MORC4: variants seen among roughly 807,000 people sequenced by gnomAD.
MORC4 encodes the protein MORC family CW-type zinc finger protein 4.
Under a neutral mutation model 65.5 loss-of-function variants are expected in MORC4, and 22 were observed. That is an observed-to-expected ratio of 0.34 (90% confidence interval 0.24 to 0.48). MORC4 has a LOEUF of 0.48. MORC4 is among the 20% of genes least tolerant of loss of function. The pLI is 0.99. For missense variants in MORC4, 624 were observed against 703.0 expected, an observed-to-expected ratio of 0.89 and a Z score of 1.27; for synonymous variants, 267 against 255.8, an observed-to-expected ratio of 1.04 and a Z score of -0.42.
rs751715446 is a variant in MORC4, at chrX:106,958,405, G to A, written c.1316C>T (p.Pro439Leu). 8.3e-7 allele frequency: 1 copy of A among 1,205,683 alleles called. No individual in the cohort carries two copies. The highest frequency in any genetic ancestry group is 3.0e-5 in the East Asian group (1 of 33,745). Residue 439 changes from proline to leucine, a missense_variant, in exon 11 of 17, where the codon CCT (proline) becomes CTT (leucine). By Grantham distance (98) the Pro-to-Leu change is moderately conservative (BLOSUM62 -3). Transcript: ENST00000355610. The stretch of plus-strand genomic sequence containing the variant: ...TAACATGGATGGATCAATCTTCCCA[G>A]GAAGCTTTCTCCATTTAAGACACTC... ...CDECLKWRKL[P>L]GKIDPSMLPA... is the part of the protein sequence containing the mutation.
chrX:106,991,071 A>G (rs1189117375), intron 3 of MORC4, among the ~76,000 whole-genome samples: 2 of 111,431 alleles, frequency 1.8e-5, no homozygotes. Flanking sequence ...TGATAGGGAA[A>G]ATTCTATAGC....
intron 9 of MORC4, among the ~76,000 whole-genome samples, chrX:106,972,806 C>T (rs1023389992): frequency 8.9e-6 from 1 of 112,289 alleles, no homozygotes; most frequent in East Asian, 2.8e-4. Context: ...GGCGTGGTGG[C>T]GCATGCCTGT....
Position 106,942,757 on chromosome X carries a change from G to A in MORC4, c.2134C>T (p.Pro712Ser). Residue 712 changes from proline (P) to serine (S), a missense_variant, in exon 15 of 17, where the codon CCT (proline) becomes TCT (serine). Physicochemically the swap from Pro to Ser is moderately conservative, Grantham distance 74 (BLOSUM62 -1). Coordinates refer to ENST00000355610, the MANE Select transcript of MORC4 (RefSeq NM_024657.5). The part of the protein sequence containing the change: ...RDSGAPIQLI[P>S]FNREELAERR... Reference sequence around the variant, plus strand: ...TCAGCAAGCTCCTCTCTGTTAAAAGGGATCAGCTGAATGGGAGCTCCTGAA... The same window carrying A: ...TCAGCAAGCTCCTCTCTGTTAAAAGAGATCAGCTGAATGGGAGCTCCTGAA... 1 of 1,211,279 alleles carries A rather than the reference G, an allele frequency of 8.3e-7. No homozygotes were observed. The highest frequency in any genetic ancestry group is 1.1e-6 in the Non-Finnish European group (1 of 895,273).
chrX:106,949,396 T>C (rs1933921113), intron 14 of MORC4, among the ~76,000 whole-genome samples: 1 of 112,336 alleles, frequency 8.9e-6, no homozygotes, highest in African/African-American at 3.2e-5. Context: ...GCAGTTTCTA[T>C]TGCTGTTCCT....
At chrX:106,955,522 C>T (rs954349611) in intron 13 of MORC4, among the ~76,000 whole-genome samples, 31 of 108,083 alleles carry the variant, frequency 2.9e-4, no homozygotes, top group Non-Finnish European at 5.4e-4. Flanking sequence ...TCATAGTACA[C>T]ACACACACAC....
chrX:106,954,922 T>A lies in MORC4; in HGVS notation c.1676A>T (p.Gln559Leu), dbSNP rs779171684. The change falls in exon 14 of 17, where the codon CAG becomes CTG. Residue 559 changes from glutamine to leucine, a missense_variant. Transcript: ENST00000355610. ...QLKPLDSSVL[Q>L]FSSKYKWILG... Reference sequence around the variant, plus strand: ...CATGCTTTTTAGTCACCTGGAAAACTGTAAAACACTGGAATCCAGAGGCTT... The same window carrying A: ...CATGCTTTTTAGTCACCTGGAAAACAGTAAAACACTGGAATCCAGAGGCTT... The A allele has an allele frequency of 1.7e-6, 2 of 1,208,756 alleles. No individual in the cohort carries two copies. The highest frequency in any genetic ancestry group is 2.2e-6 in the Non-Finnish European group (2 of 894,367).
intron 5 of MORC4, among the ~76,000 whole-genome samples, chrX:106,983,048 C>T (rs921181081): frequency 9.0e-6 from 1 of 111,708 alleles, no homozygotes; most frequent in African/African-American, 3.3e-5. Flanking sequence ...TTGAGCACCC[C>T]TAATCCAAAA....
chrX:106,985,342 A>C, intron 4 of MORC4, 99 bp from the exon 5 acceptor site: 1 of 569,386 alleles, frequency 1.8e-6, no homozygotes. Flanking sequence ...AACTATAGAC[A>C]TACAGCATGC....
At chrX:106,956,715 CAGAG>C (rs368706300) in intron 12 of MORC4, among the ~76,000 whole-genome samples, 181 bp from the exon 13 acceptor site, 12 of 107,952 alleles carry the variant, frequency 1.1e-4, no homozygotes, top group Non-Finnish European at 1.7e-4. Context: ...AGTGCCCCAC[CAGAG>C]AGAGAGAGAG....
At chrX:106,959,568 C>T (rs1934187480) in intron 10 of MORC4, among the ~76,000 whole-genome samples, 1 of 111,501 alleles carries the variant, frequency 9.0e-6, no homozygotes, top group Non-Finnish European at 1.9e-5. Context: ...GACAGGGTCT[C>T]ACTCTGTCTC....
At position 106,999,917 on chromosome X, in the gene MORC4, A is replaced by T. The variant is rs770202249; in HGVS notation, c.53T>A (p.Leu18Gln). 16 of 837,580 alleles carry T rather than the reference A, an allele frequency of 1.9e-5. No homozygotes were observed. The Admixed American group carries it at 1.0e-3, about 54-fold the overall frequency. 69.0% of individuals were successfully genotyped at this position (837,580 alleles called of 1,213,427 possible). A position where few individuals can be genotyped will look rare whatever the true frequency, so the allele number is the denominator to read the frequency against. Reference protein sequence around the residue: ...PAGPGAPGCGLARPGGGPQAF... With the variant: ...PAGPGAPGCGQARPGGGPQAF... ...CTGCGGGCCGCCGCCGGGCCGGGCC[A>T]GCCCGCAGCCCGGCGCGCCAGGGCC... The change falls in exon 1 of 17, where the codon CTG becomes CAG. Residue 18 changes from leucine (L) to glutamine (Q), a missense_variant. By Grantham distance (113) the Leu-to-Gln change is moderately radical (BLOSUM62 -2). Transcript: ENST00000355610.
intron 9 of MORC4, among the ~76,000 whole-genome samples, chrX:106,963,440 C>A (rs1255262478): frequency 1.8e-5 from 2 of 112,074 alleles, no homozygotes; most frequent in African/African-American, 6.5e-5. Flanking sequence ...AGCCCTGTGG[C>A]AAGCAACCCT....
At chrX:106,953,806 C>T (rs1265728577) in intron 14 of MORC4, among the ~76,000 whole-genome samples, 1 of 111,817 alleles carries the variant, frequency 8.9e-6, no homozygotes, top group African/African-American at 3.3e-5. Context: ...AAGGAGATAT[C>T]CAAAGTGAAA....
chrX:106,980,206 A>AC (rs1264125931), intron 7 of MORC4, among the ~76,000 whole-genome samples: 3 of 111,369 alleles, frequency 2.7e-5, no homozygotes, highest in Admixed American at 9.6e-5. Context: ...CCTAATTTCC[A>AC]TAGTTCATCT....
At chrX:106,943,333 G>C (rs1933745736) in intron 14 of MORC4, 128 bp from the exon 15 acceptor site, 1 of 503,701 alleles carries the variant, frequency 2.0e-6, no homozygotes, top group African/African-American at 2.4e-5. Flanking sequence ...GACAAGTCCA[G>C]GTTAGGGATA....
chrX:106,970,338 G>C (rs1255184155), intron 9 of MORC4, among the ~76,000 whole-genome samples: 1 of 111,857 alleles, frequency 8.9e-6, no homozygotes, highest in Non-Finnish European at 1.9e-5. Flanking sequence ...AAAATAATAG[G>C]AGCTATTTAT....
chrX:106,956,428 C>T, intron 13 of MORC4, 52 bp downstream of exon 13: 4 of 1,036,189 alleles, frequency 3.9e-6, no homozygotes, highest in Non-Finnish European at 4.1e-6. Context: ...CTTATATTTT[C>T]TGTTGGGGAA....
At chrX:106,993,196 T>C in intron 3 of MORC4, 34 bp downstream of exon 3, 1 of 1,194,090 alleles carries the variant, frequency 8.4e-7, no homozygotes, top group Non-Finnish European at 1.1e-6. Flanking sequence ...TTCATGAGCT[T>C]AAGACAAGAA....
Position 106,981,359 on chromosome X carries a change from C to G in MORC4, c.793G>C (p.Glu265Gln). The change falls in exon 6 of 17, where the codon GAA becomes CAA. Residue 265 changes from glutamate to glutamine, a missense_variant. Physicochemically the swap from Glu to Gln is conservative, Grantham distance 29. Coordinates refer to ENST00000355610, the MANE Select transcript of MORC4 (RefSeq NM_024657.5). ...GGVTSELPET[E>Q]YSLRAFCGIL... ...TTCTTACTTACCCTTAAAGAATATT[C>G]TGTTTCTGGTAGCTCAGAGGTAACA... 8.3e-7 allele frequency: 1 copy of G among 1,199,496 alleles called. No homozygotes were observed. The highest frequency in any genetic ancestry group is 1.1e-6 in the Non-Finnish European group (1 of 891,447).
Sources: allele counts gnomAD v4.1 joint callset (sites outside exome capture counted in the v4.1 genomes callset), GRCh38; gene constraint gnomAD v4.1.1; transcripts MANE v1.5; gene names NCBI Gene and HGNC (gene_info 2026-07-23, HGNC 2026-07-21).